Variants in RNFT2 observed in about 807,000 individuals in gnomAD.
RNFT2 encodes ring finger protein, transmembrane 2.
Under a neutral mutation model 53.0 loss-of-function variants are expected in RNFT2, and 36 were observed. The ratio of observed to expected loss-of-function variants is 0.68; its 90% CI spans 0.52 to 0.90. The LOEUF (loss-of-function observed/expected upper bound fraction) is 0.90. Ranked by LOEUF, RNFT2 falls within the 40% of genes least tolerant of loss-of-function variation. The pLI is 0.00. For missense variants in RNFT2, 514 were observed against 585.6 expected (o/e 0.88, Z 1.26); for synonymous variants, 260 against 253.2 (o/e 1.03, Z -0.26).
At chr12:116,772,401 G>A (rs1873242967) in intron 6 of RNFT2, among the ~76,000 whole-genome samples, 1 of 152,204 alleles carries the variant, frequency 6.6e-6, no homozygotes, top group Admixed American at 6.5e-5. Flanking sequence ...CCAGCTCCCT[G>A]GTTCAAGCGA....
At chr12:116,740,969 A>T in intron 2 of RNFT2, 67 bp from the exon 3 acceptor site, 1 of 1,406,266 alleles carries the variant, frequency 7.1e-7, no homozygotes, top group Non-Finnish European at 9.9e-7. Flanking sequence ...GTTTACAATT[A>T]CCTTGGCAAT....
At chr12:116,789,102 G>A (rs1874080090) in intron 7 of RNFT2, among the ~76,000 whole-genome samples, 1 of 150,870 alleles carries the variant, frequency 6.6e-6, no homozygotes, top group South Asian at 2.1e-4. Flanking sequence ...TGGATGGATG[G>A]GTAGATGGAA....
intron 6 of RNFT2, among the ~76,000 whole-genome samples, chr12:116,775,732 G>C (rs1873404519): frequency 6.6e-6 from 1 of 152,140 alleles, no homozygotes; most frequent in Non-Finnish European, 1.5e-5. Context: ...CAATTAATAT[G>C]ATTCTTTTAC....
chr12:116,809,401 C>T (rs1412442643), intron 7 of RNFT2, among the ~76,000 whole-genome samples: 1 of 152,152 alleles, frequency 6.6e-6, no homozygotes, highest in Non-Finnish European at 1.5e-5. Context: ...GGGGGTCCAG[C>T]GCTTCTTTGA....
intron 7 of RNFT2, among the ~76,000 whole-genome samples, chr12:116,791,081 C>G (rs1478696447): frequency 2.6e-5 from 4 of 152,246 alleles, no homozygotes; most frequent in Non-Finnish European, 5.9e-5. Flanking sequence ...CCAAGACATT[C>G]TCATCACACC....
chr12:116,801,756 A>G (rs368234341), intron 7 of RNFT2, among the ~76,000 whole-genome samples: 51 of 152,202 alleles, frequency 3.4e-4, no homozygotes, highest in African/African-American at 1.1e-3. Context: ...GCCCTTAGGG[A>G]GATGTTAATA....
chr12:116,754,084 T>A, intron 5 of RNFT2, 24 bp downstream of exon 5: 1 of 1,594,552 alleles, frequency 6.3e-7, no homozygotes, highest in Non-Finnish European at 8.6e-7. Flanking sequence ...CGACCTAGTC[T>A]CCTGTGGCTG....
intron 6 of RNFT2, among the ~76,000 whole-genome samples, chr12:116,778,167 A>G (rs189616524): frequency 9.2e-5 from 14 of 151,912 alleles, no homozygotes; most frequent in Non-Finnish European, 1.6e-4. Flanking sequence ...CTCCTCTCGT[A>G]AAGCCTGTTG....
In RNFT2 at chr12:116,750,031, C is replaced by G. The variant is rs1208652451; in HGVS notation, c.274C>G (p.Pro92Ala). ...AGGGDVFIQM[P>A]ASREEGGGRG... Reference sequence around the variant, plus strand: ...CGGCGGGGACGTGTTCATCCAGATGCCCGCGTCCAGGGAGGAAGGAGGGGG... The same window carrying G: ...CGGCGGGGACGTGTTCATCCAGATGGCCGCGTCCAGGGAGGAAGGAGGGGG... Residue 92 changes from proline to alanine, a missense_variant, in exon 4 of 11, where the codon CCC (proline) becomes GCC (alanine). Pro to Ala is a conservative substitution (Grantham distance 27, BLOSUM62 -1). Around this residue, in one of 3 missense-constraint regions of RNFT2, gnomAD observed 237 missense variants for 235.1 expected, o/e 1.01. Transcript: ENST00000257575. 1 of 1,552,694 alleles carries G rather than the reference C, an allele frequency of 6.4e-7. No individual in the cohort carries two copies. The highest frequency in any genetic ancestry group is 1.2e-5 in the South Asian group (1 of 84,336).
intron 7 of RNFT2, among the ~76,000 whole-genome samples, chr12:116,821,863 C>CTGGAGTGCA (rs138742377): frequency 0.057 from 6,587 of 116,268 alleles, 395 homozygotes; most frequent in East Asian, 0.22. Flanking sequence ...GTCGCCCAGG[C>CTGGAGTGCA]TGGAGTGCAT....
intron 7 of RNFT2, among the ~76,000 whole-genome samples, chr12:116,791,090 C>G (rs1040302927): frequency 6.6e-6 from 1 of 152,248 alleles, no homozygotes; most frequent in Non-Finnish European, 1.5e-5. Context: ...TCTCATCACA[C>G]CAGAAGGAAA....
intron 1 of RNFT2, 97 bp from the exon 2 acceptor site, chr12:116,740,248 G>T: frequency 2.3e-6 from 1 of 442,722 alleles, no homozygotes; most frequent in Non-Finnish European, 4.2e-6. Flanking sequence ...TGAGCAGATG[G>T]AATCATCTGC....
intron 7 of RNFT2, among the ~76,000 whole-genome samples, chr12:116,786,122 C>CT (rs1190827408): frequency 0.037 from 5,056 of 135,696 alleles, 144 homozygotes; most frequent in South Asian, 0.12. Context: ...TCAGGTAGTT[C>CT]TTTTTTTTTT....
intron 7 of RNFT2, 133 bp from the exon 8 acceptor site, chr12:116,833,659 A>T: frequency 1.2e-6 from 1 of 864,930 alleles, no homozygotes; most frequent in Non-Finnish European, 1.8e-6. Flanking sequence ...AGCTGGCCTG[A>T]GTGCTTTCCA....
intron 6 of RNFT2, among the ~76,000 whole-genome samples, chr12:116,777,207 C>T (rs550122857): frequency 1.3e-5 from 2 of 152,032 alleles, no homozygotes; most frequent in Middle Eastern, 3.4e-3. Context: ...CGTGAGCCAC[C>T]GTGCCCAGCC....
chr12:116,841,818 A>AAATATATATATAAATATATATAT (rs1565875984), intron 10 of RNFT2, among the ~76,000 whole-genome samples: 4 of 76,942 alleles, frequency 5.2e-5, no homozygotes, highest in South Asian at 3.8e-4. Context: ...TATATATATA[A>AAATATATATATAAATATATATAT]AAATATATAT....
At chr12:116,816,945 T>A (rs1040456662) in intron 7 of RNFT2, among the ~76,000 whole-genome samples, 1 of 152,240 alleles carries the variant, frequency 6.6e-6, no homozygotes, top group Admixed American at 6.5e-5. Context: ...CCTTTGCCCA[T>A]AAGAAAAGTT....
At chr12:116,772,993 TA>T (rs1310595152) in intron 6 of RNFT2, among the ~76,000 whole-genome samples, 1 of 152,106 alleles carries the variant, frequency 6.6e-6, no homozygotes, top group Non-Finnish European at 1.5e-5. Flanking sequence ...CACATCCAGC[TA>T]ATTTTTGTAT....
At chr12:116,847,780 G>C (rs1877695271) in intron 10 of RNFT2, among the ~76,000 whole-genome samples, 1 of 152,128 alleles carries the variant, frequency 6.6e-6, no homozygotes, top group African/African-American at 2.4e-5. Flanking sequence ...GCCCACCTCA[G>C]CCTCCCAAAC....
Sources: gnomAD v4.1 joint callset for allele counts (sites outside exome capture counted in the v4.1 genomes callset) on GRCh38, gnomAD v4.1.1 for gene constraint, gnomAD v4.1.1 regional missense constraint, MANE v1.5 for transcripts, NCBI Gene and HGNC (gene_info 2026-07-23, HGNC 2026-07-21) for gene names.